The following RORA variants were observed in gnomAD, a reference collection of about 807,000 sequenced individuals.
The protein encoded by RORA is nuclear receptor ROR-alpha.
A neutral mutation model predicts 69.5 loss-of-function variants in RORA; 7 were observed. The ratio of observed to expected loss-of-function variants is 0.10; its 90% CI spans 0.06 to 0.19. The LOEUF (loss-of-function observed/expected upper bound fraction) is 0.19, where lower values mean the gene tolerates loss of function less well. RORA is among the 10% of genes least tolerant of loss of function. The probability of loss-of-function intolerance (pLI) is 1.00; values close to 1 mark genes in which losing one functional copy is unlikely to be tolerated. For missense variants in RORA, 457 were observed against 663.0 expected (o/e 0.69, Z 3.41); for synonymous variants, 261 against 240.8 (o/e 1.08, Z -0.78).
At chr15:60,942,467 G>C (rs1409299336) in intron 1 of RORA, among the ~76,000 whole-genome samples, 1 of 152,132 alleles carries the variant, frequency 6.6e-6, no homozygotes, top group Non-Finnish European at 1.5e-5. Flanking sequence ...AAGATGTTCG[G>C]CAATTATTTG....
chr15:60,602,213 T>C (rs2068831073), intron 2 of RORA, among the ~76,000 whole-genome samples: 1 of 152,120 alleles, frequency 6.6e-6, no homozygotes, highest in South Asian at 2.1e-4. Flanking sequence ...AAGGGAAATA[T>C]CAGAGTTCAA....
chr15:61,174,986 A>G (rs1048224527), intron 1 of RORA, among the ~76,000 whole-genome samples: 5 of 152,212 alleles, frequency 3.3e-5, no homozygotes, highest in African/African-American at 1.2e-4. Flanking sequence ...TGCAAAGCCC[A>G]TGTTCTTAAC....
At chr15:61,204,582 T>C (rs542023062) in intron 1 of RORA, among the ~76,000 whole-genome samples, 1 of 152,302 alleles carries the variant, frequency 6.6e-6, no homozygotes, top group South Asian at 2.1e-4. Flanking sequence ...AGGGTTTGAA[T>C]TATATTCTAT....
chr15:60,723,384 C>T (rs1360029306), intron 1 of RORA, among the ~76,000 whole-genome samples: 2 of 150,570 alleles, frequency 1.3e-5, no homozygotes, highest in African/African-American at 2.4e-5. Flanking sequence ...CATTCCCCCC[C>T]CCACTCACAT....
At chr15:61,228,577 G>A (rs1446422982) in intron 1 of RORA, among the ~76,000 whole-genome samples, 1 of 142,436 alleles carries the variant, frequency 7.0e-6, no homozygotes, top group Admixed American at 7.5e-5. Context: ...CCCCCGACTC[G>A]GGCAGCCAGG....
Position 60,971,487 on chromosome 15 carries a change from C to T in RORA, c.166+257566G>A, listed in dbSNP as rs148439048. ...GATGTCCAACATTTGGCCTTGGATC[C>T]AGACATATCGTGCTTTTCCCTGCTG... On this transcript the variant is annotated intron_variant, in intron 1 of 10. Transcript: ENST00000335670. Among the ~76,000 whole-genome samples the T allele has an allele frequency of 3.8e-4, 58 of 152,288 alleles. 1 individual carries two copies. In the East Asian group the frequency reaches 7.5e-3, roughly 20 times the overall value.
chr15:60,503,355 G>A (rs1251963079), intron 7 of RORA, among the ~76,000 whole-genome samples, 180 bp downstream of exon 7: 1 of 152,178 alleles, frequency 6.6e-6, no homozygotes, highest in Non-Finnish European at 1.5e-5. Flanking sequence ...AAAGTGGGGG[G>A]AATGTTTCCT....
chr15:60,622,351 A>C (rs2069434620), intron 2 of RORA, among the ~76,000 whole-genome samples: 1 of 150,340 alleles, frequency 6.7e-6, no homozygotes, highest in African/African-American at 2.4e-5. Flanking sequence ...GATGGCTAAC[A>C]CCTGTAATCC....
At chr15:61,161,008 T>G (rs1286301085) in intron 1 of RORA, among the ~76,000 whole-genome samples, 1 of 152,038 alleles carries the variant, frequency 6.6e-6, no homozygotes, top group Non-Finnish European at 1.5e-5. Flanking sequence ...CCAATTGTAT[T>G]TCACTGAAGC....
intron 1 of RORA, among the ~76,000 whole-genome samples, chr15:61,113,669 C>A (rs2079026313): frequency 6.6e-6 from 1 of 152,100 alleles, no homozygotes; most frequent in Non-Finnish European, 1.5e-5. Context: ...TTTTAAAATT[C>A]TACACACACA....
At chr15:60,995,176 C>CT (rs893554011) in intron 1 of RORA, among the ~76,000 whole-genome samples, 12 of 151,784 alleles carry the variant, frequency 7.9e-5, no homozygotes, top group African/African-American at 2.7e-4. Context: ...TAAAAGCTTT[C>CT]TTTTTTTTTC....
At position 60,878,307 on chromosome 15, in the gene RORA, G is replaced by T. The variant is rs182956805; in HGVS notation, c.167-199621C>A. The stretch of plus-strand genomic sequence containing the variant: ...TGCAGTGGGCCGAGATCGCGGCATT[G>T]CACTCCAGCCTGGGCGAAAGAGCAA... On this transcript the variant is annotated intron_variant, in intron 1 of 10. Transcript: ENST00000335670. Among the ~76,000 whole-genome samples the T allele has an allele frequency of 5.3e-5, 7 of 133,074 alleles. No individual in the cohort carries two copies. In the East Asian group the frequency reaches 1.3e-3, roughly 25 times the overall value. 87.3% of individuals were successfully genotyped at this position (133,074 alleles called of 152,430 possible).
At chr15:60,748,649 G>A (rs1177896795) in intron 1 of RORA, among the ~76,000 whole-genome samples, 1 of 152,118 alleles carries the variant, frequency 6.6e-6, no homozygotes, top group Non-Finnish European at 1.5e-5. Flanking sequence ...TTCTATCCTG[G>A]TTCTCCTTCT....
intron 2 of RORA, among the ~76,000 whole-genome samples, chr15:60,613,696 CTGTGTGTGTGTGTGTGTG>C (rs66616801): frequency 4.8e-5 from 6 of 125,322 alleles, no homozygotes; most frequent in African/African-American, 1.2e-4. Context: ...AATTTGATAT[CTGTGTGTGTGTGTGTGTG>C]TGTGTGTGTG....
intron 2 of RORA, among the ~76,000 whole-genome samples, chr15:60,586,992 A>G (rs1567107450): frequency 6.6e-6 from 1 of 152,198 alleles, no homozygotes; most frequent in Non-Finnish European, 1.5e-5. Flanking sequence ...CAAACACGAC[A>G]GCACTCACAA....
chr15:60,716,763 T>C (rs1193179254), intron 1 of RORA, among the ~76,000 whole-genome samples: 9 of 152,122 alleles, frequency 5.9e-5, no homozygotes, highest in Admixed American at 5.9e-4. Flanking sequence ...GCTGATATCA[T>C]GACGCTTCCA....
rs534941981 is a variant in RORA, at chr15:61,213,440, C to G, written c.166+15613G>C. 6.6e-6 allele frequency among the ~76,000 whole-genome samples: 1 copy of G among 152,176 alleles called. No homozygotes were observed. The highest frequency in any genetic ancestry group is 1.9e-4 in the East Asian group (1 of 5,184). ...CAAAATTTTGCTATAAGACAAGGTC[C>G]GAAATGCTTAGGCTCGCCCCTGCCT... On this transcript the variant is annotated intron_variant, in intron 1 of 10. Transcript: ENST00000335670. The surrounding 1 kb of genome is among the most constrained non-coding windows in gnomAD (Gnocchi z 4.1).
chr15:60,581,934 T>C (rs1196525806), intron 2 of RORA, among the ~76,000 whole-genome samples: 2 of 152,214 alleles, frequency 1.3e-5, no homozygotes, highest in Non-Finnish European at 2.9e-5. Context: ...GACGATACAT[T>C]GGGAGAGACT....
chr15:60,557,759 C>G (rs903622580), intron 2 of RORA, among the ~76,000 whole-genome samples: 2 of 152,252 alleles, frequency 1.3e-5, no homozygotes, highest in Admixed American at 6.5e-5. Context: ...TAGAACATCA[C>G]CAGAGCAAAC....
Sources: gnomAD v4.1 joint callset for allele counts (sites outside exome capture counted in the v4.1 genomes callset) on GRCh38, gnomAD v4.1.1 for gene constraint, Gnocchi (gnomAD v3.1) non-coding constraint, MANE v1.5 for transcripts, NCBI Gene and HGNC (gene_info 2026-07-23, HGNC 2026-07-21) for gene names.